CCDC175: variants seen among roughly 807,000 people sequenced by gnomAD.
The protein encoded by CCDC175 is coiled-coil domain containing 175.
In CCDC175, 100 loss-of-function variants were observed where a neutral mutation model predicts 114.6. That is an observed-to-expected ratio of 0.87 (90% confidence interval 0.74 to 1.03). CCDC175 has a LOEUF of 1.03. CCDC175 is among the 50% of genes least tolerant of loss of function. The probability of loss-of-function intolerance (pLI) is 0.00; values close to 1 mark genes in which losing one functional copy is unlikely to be tolerated. For synonymous variants in CCDC175, 306 were observed against 308.7 expected, an observed-to-expected ratio of 0.99 and a Z score of 0.09; for missense variants, 880 against 917.8, an observed-to-expected ratio of 0.96 and a Z score of 0.53.
At chr14:59,564,968 G>T in intron 5 of CCDC175, 79 bp downstream of exon 5, 1 of 1,125,852 alleles carries the variant, frequency 8.9e-7, no homozygotes, top group Non-Finnish European at 1.2e-6. Context: ...CCAGCCTTGA[G>T]GACAAATAAA....
chr14:59,508,397 A>AACACAC (rs1892548459), intron 19 of CCDC175, among the ~76,000 whole-genome samples: 1 of 14,782 alleles, frequency 6.8e-5, no homozygotes, highest in Admixed American at 1.0e-3. Context: ...TCGTCTCCAA[A>AACACAC]ATACACACAC....
At position 59,565,132 on chromosome 14, in the gene CCDC175, T is replaced by G. The variant is rs1370414251; in HGVS notation, c.635A>C (p.Gln212Pro). 1 of 1,537,892 alleles carries G rather than the reference T, an allele frequency of 6.5e-7. No individual in the cohort carries two copies. Among genetic ancestry groups the G allele is most frequent in the East Asian group, 2.4e-5 (1 of 40,920 alleles). ...CTCTGCCTCTTGAATACATTTTTTT[T>G]GCAATGCTATGTCTTCTCTCTTCAA... ...INLKREDIAL[Q>P]KKCIQEAEEL... The change falls in exon 5 of 20, where the codon CAA (glutamine) becomes CCA (proline). Residue 212 changes from glutamine (Q) to proline (P), a missense_variant. By Grantham distance (76) the Gln-to-Pro change is moderately conservative. Transcript: ENST00000537690.
In CCDC175 at chr14:59,541,739, A is replaced by T. The variant is rs1894802180; in HGVS notation, c.1284-993T>A. On this transcript the variant is annotated intron_variant, in intron 10 of 19. Coordinates refer to ENST00000537690, the MANE Select transcript of CCDC175 (RefSeq NM_001164399.2). ...GTTTAAAATAAAGCAACAATAATAT[A>T]AAAAAATCCTAAATGGATAATAACA... is the stretch of plus-strand genomic sequence containing the variant. 2.0e-5 allele frequency among the ~76,000 whole-genome samples: 3 copies of T among 152,302 alleles called. No homozygotes were observed. The South Asian group carries it at 6.2e-4, about 32-fold the overall frequency.
At chr14:59,511,634 G>T in intron 18 of CCDC175, 126 bp downstream of exon 18, 10 of 495,038 alleles carry the variant, frequency 2.0e-5, no homozygotes, top group East Asian at 3.9e-5. Context: ...GAGCTAGTGT[G>T]AATTTCCACC....
chr14:59,561,311 G>T, intron 6 of CCDC175, 83 bp from the exon 7 acceptor site: 1 of 624,984 alleles, frequency 1.6e-6, no homozygotes, highest in South Asian at 2.3e-5. Flanking sequence ...CAATATTCAT[G>T]AATTACTCAT....
At chr14:59,558,458 T>C (rs1306519817) in intron 7 of CCDC175, among the ~76,000 whole-genome samples, 20 of 152,158 alleles carry the variant, frequency 1.3e-4, no homozygotes, top group Admixed American at 1.3e-3. Flanking sequence ...AAGAAATAGA[T>C]ATATTCAGCA....
intron 11 of CCDC175, among the ~76,000 whole-genome samples, chr14:59,539,849 G>A (rs546382007): frequency 1.1e-4 from 17 of 152,074 alleles, no homozygotes; most frequent in Admixed American, 2.0e-4. Flanking sequence ...GTGGTGAGCC[G>A]AGATCACTCC....
At chr14:59,552,042 G>A (rs1387436145) in intron 7 of CCDC175, among the ~76,000 whole-genome samples, 8 of 151,950 alleles carry the variant, frequency 5.3e-5, no homozygotes, top group Non-Finnish European at 1.2e-4. Context: ...AACTCTGGGG[G>A]CAGGACATAG....
At chr14:59,527,298 C>A in intron 14 of CCDC175, 124 bp from the exon 15 acceptor site, 2 of 541,040 alleles carry the variant, frequency 3.7e-6, no homozygotes, top group Non-Finnish European at 3.2e-6. Context: ...AACTGTCAGG[C>A]ACTCCACAAT....
chr14:59,557,413 C>A (rs1007918764), intron 7 of CCDC175, among the ~76,000 whole-genome samples: 19 of 137,302 alleles, frequency 1.4e-4, no homozygotes, highest in African/African-American at 5.3e-4. Context: ...GGGAATTGAA[C>A]AATGAGAACA....
At chr14:59,529,136 G>T (rs1418063695) in intron 14 of CCDC175, among the ~76,000 whole-genome samples, 2 of 152,138 alleles carry the variant, frequency 1.3e-5, no homozygotes, top group African/African-American at 4.8e-5. Context: ...CGGTGCTGTT[G>T]TGGGGCTTTT....
At chr14:59,510,622 C>T (rs1302477130) in intron 19 of CCDC175, 24 bp downstream of exon 19, 1 of 1,536,340 alleles carries the variant, frequency 6.5e-7, no homozygotes, top group Non-Finnish European at 8.7e-7. Context: ...TCCCATGTTA[C>T]CAAAGCTCTA....
intron 7 of CCDC175, among the ~76,000 whole-genome samples, chr14:59,559,303 G>A (rs1896101879): frequency 1.3e-5 from 2 of 152,126 alleles, no homozygotes; most frequent in Non-Finnish European, 2.9e-5. Context: ...CTTTATCTGT[G>A]TAATCACACT....
At chr14:59,527,407 A>T (rs1893810845) in intron 14 of CCDC175, among the ~76,000 whole-genome samples, 1 of 152,140 alleles carries the variant, frequency 6.6e-6, no homozygotes, top group Admixed American at 6.5e-5. Flanking sequence ...AAAAATATGC[A>T]TATATGCCTA....
intron 19 of CCDC175, among the ~76,000 whole-genome samples, chr14:59,509,751 C>T: frequency 6.6e-6 from 1 of 152,156 alleles, no homozygotes; most frequent in African/African-American, 2.4e-5. Context: ...CTCAAGCAAT[C>T]CTCCTGCCTC....
intron 13 of CCDC175, among the ~76,000 whole-genome samples, chr14:59,534,900 A>C (rs1050443262): frequency 3.9e-5 from 6 of 152,196 alleles, no homozygotes; most frequent in African/African-American, 1.4e-4. Context: ...TATGGGTCAG[A>C]GACCCAAATG....
intron 7 of CCDC175, among the ~76,000 whole-genome samples, chr14:59,554,772 G>T (rs1204776629): frequency 6.6e-6 from 1 of 152,140 alleles, no homozygotes; most frequent in Non-Finnish European, 1.5e-5. Context: ...AAGAAAAAAT[G>T]ATAACTGGGA....
chr14:59,524,794 C>T (rs750176511), intron 16 of CCDC175, among the ~76,000 whole-genome samples: 2 of 152,064 alleles, frequency 1.3e-5, no homozygotes, highest in Non-Finnish European at 2.9e-5. Context: ...TTGTAATAGC[C>T]AAAAACTAGA....
chr14:59,528,788 A>AT, intron 14 of CCDC175, among the ~76,000 whole-genome samples: 1 of 151,450 alleles, frequency 6.6e-6, no homozygotes, highest in East Asian at 1.9e-4. Context: ...TTTTACAGAG[A>AT]TTTTCTTAAC....
Sources: allele counts gnomAD v4.1 joint callset (sites outside exome capture counted in the v4.1 genomes callset), GRCh38; gene constraint gnomAD v4.1.1; transcripts MANE v1.5; gene names NCBI Gene and HGNC (gene_info 2026-07-23, HGNC 2026-07-21).